Variants in SLIT3 observed in about 807,000 individuals in gnomAD.
SLIT3 encodes the protein slit guidance ligand 3.
SLIT3 carries 68 observed loss-of-function variants against 184.0 expected under a neutral mutation model. That is an observed-to-expected ratio of 0.37 (90% CI 0.30 to 0.45). The LOEUF is 0.45. Among genes scored for constraint, SLIT3 ranks in the 20% least tolerant of loss-of-function variants. The pLI, the probability that SLIT3 is intolerant of heterozygous loss-of-function variation, is 1.00. For missense variants in SLIT3, 1,707 were observed against 2,026.0 expected, an observed-to-expected ratio of 0.84 and a Z score of 3.02; for synonymous variants, 831 against 828.6, an observed-to-expected ratio of 1.00 and a Z score of -0.05.
intron 12 of SLIT3, among the ~76,000 whole-genome samples, chr5:168,778,940 C>T (rs1319900531): frequency 6.6e-6 from 1 of 152,214 alleles, no homozygotes; most frequent in East Asian, 1.9e-4. Context: ...TTGGGGCCAC[C>T]TGCTCCAGAT....
At chr5:168,767,522 T>C (rs896009663) in intron 14 of SLIT3, among the ~76,000 whole-genome samples, 1 of 152,192 alleles carries the variant, frequency 6.6e-6, no homozygotes, top group African/African-American at 2.4e-5. Flanking sequence ...CCACGTTAAC[T>C]GTGCTTTGCA....
At chr5:168,883,387 A>G (rs775110009) in intron 4 of SLIT3, 51 bp from the exon 5 acceptor site, 6 of 1,350,022 alleles carry the variant, frequency 4.4e-6, no homozygotes, top group Non-Finnish European at 6.4e-6. Flanking sequence ...GGCTGTCTTG[A>G]TCTGCATCTC....
At chr5:169,288,682 T>C (rs890394490) in intron 1 of SLIT3, among the ~76,000 whole-genome samples, 2 of 152,224 alleles carry the variant, frequency 1.3e-5, no homozygotes, top group Admixed American at 6.5e-5. Flanking sequence ...TTTAAATGAC[T>C]CCATCCTTCA....
In SLIT3 at chr5:168,666,376, A is replaced by G. The variant is rs1227329676; in HGVS notation, c.*78T>C. On this transcript the variant is annotated 3_prime_UTR_variant, in exon 36 of 36. Transcript: ENST00000519560. ...TCCAGCTTCATTTCCTTCATGCTGA[A>G]TCACCAGGGGGTCCCACATGGCTGT... 2 of 1,359,918 alleles carry G rather than the reference A, an allele frequency of 1.5e-6. No individual in the cohort carries two copies. Among genetic ancestry groups the G allele is most frequent in the Non-Finnish European group, 1.9e-6 (2 of 1,032,336 alleles). 84.2% of individuals were successfully genotyped at this position (1,359,918 alleles called of 1,614,324 possible).
At chr5:168,667,992 ATTTAATAACAT>A (rs1012982434) in intron 35 of SLIT3, among the ~76,000 whole-genome samples, 2 of 152,144 alleles carry the variant, frequency 1.3e-5, no homozygotes, top group Admixed American at 6.5e-5. Flanking sequence ...AGAATAAGCT[ATTTAATAACAT>A]TTTAAAAATG....
chr5:168,684,099 G>T lies in SLIT3; in HGVS notation c.3556-3C>A. 6.3e-7 allele frequency: 1 copy of T among 1,587,852 alleles called. No individual in the cohort carries two copies. Among genetic ancestry groups the T allele is most frequent in the Non-Finnish European group, 8.6e-7 (1 of 1,165,480 alleles). ...CCGTTGTCCTTGTCAGTGGCCACCT[G>T]GAGAAAGCAGCCGGGGCGTGTTAGT... On this transcript the variant is annotated splice_region_variant and splice_polypyrimidine_tract_variant and intron_variant, in intron 31 of 35. Coordinates refer to ENST00000519560, the MANE Select transcript of SLIT3 (RefSeq NM_003062.4).
At chr5:168,943,702 C>T (rs995734776) in intron 4 of SLIT3, among the ~76,000 whole-genome samples, 2 of 152,176 alleles carry the variant, frequency 1.3e-5, no homozygotes, top group African/African-American at 4.8e-5. Flanking sequence ...AACACACACT[C>T]TCTCTATATG....
At chr5:168,813,669 C>T (rs1289829402) in intron 8 of SLIT3, among the ~76,000 whole-genome samples, 1 of 152,196 alleles carries the variant, frequency 6.6e-6, no homozygotes, top group Non-Finnish European at 1.5e-5. Flanking sequence ...TGCCAAAGTG[C>T]ACTGCTAGCA....
At chr5:168,833,815 T>C (rs1370210468) in intron 6 of SLIT3, among the ~76,000 whole-genome samples, 1 of 152,194 alleles carries the variant, frequency 6.6e-6, no homozygotes, top group African/African-American at 2.4e-5. Context: ...TTAACCTTTG[T>C]GAGGGAGTTT....
chr5:169,030,135 C>T (rs1756972675), intron 4 of SLIT3, among the ~76,000 whole-genome samples: 1 of 152,220 alleles, frequency 6.6e-6, no homozygotes, highest in South Asian at 2.1e-4. Flanking sequence ...CCTGCCCTCT[C>T]CCTGCTATTA....
chr5:168,951,222 C>T (rs1283242174), intron 4 of SLIT3, among the ~76,000 whole-genome samples: 2 of 152,148 alleles, frequency 1.3e-5, no homozygotes, highest in Non-Finnish European at 2.9e-5. Context: ...TGTCTCAAAA[C>T]ACGAAACAAA....
At chr5:169,119,673 CAGA>C (rs1397967081) in intron 4 of SLIT3, among the ~76,000 whole-genome samples, 1 of 152,176 alleles carries the variant, frequency 6.6e-6, no homozygotes. Flanking sequence ...AGGAAAGAGA[CAGA>C]AGAACGTGTC....
intron 4 of SLIT3, among the ~76,000 whole-genome samples, chr5:169,125,315 G>T (rs2113299014): frequency 6.6e-6 from 1 of 152,304 alleles, no homozygotes; most frequent in African/African-American, 2.4e-5. Flanking sequence ...CAAAGTGCTT[G>T]GGATTATAGG....
intron 4 of SLIT3, among the ~76,000 whole-genome samples, chr5:169,183,371 A>G (rs1763232500): frequency 6.6e-6 from 1 of 152,222 alleles, no homozygotes; most frequent in Non-Finnish European, 1.5e-5. Flanking sequence ...TCTTGCCATC[A>G]GCTGTTCAAT....
At chr5:169,267,759 T>C (rs1350440347) in intron 1 of SLIT3, among the ~76,000 whole-genome samples, 1 of 152,212 alleles carries the variant, frequency 6.6e-6, no homozygotes, top group Non-Finnish European at 1.5e-5. Context: ...GAAATACTCA[T>C]ATGGGGCCTG....
intron 4 of SLIT3, among the ~76,000 whole-genome samples, chr5:169,178,595 G>C (rs297872): frequency 6.6e-4 from 101 of 152,102 alleles, no homozygotes; most frequent in Non-Finnish European, 1.3e-3. Flanking sequence ...ACACACACAC[G>C]ATTCTTATTT....
At chr5:169,182,412 T>C (rs1485192644) in intron 4 of SLIT3, among the ~76,000 whole-genome samples, 2 of 152,228 alleles carry the variant, frequency 1.3e-5, no homozygotes, top group Non-Finnish European at 2.9e-5. Context: ...ACTTTGTAAA[T>C]GAACTGCAAA....
At chr5:168,897,277 T>C (rs2113819800) in intron 4 of SLIT3, among the ~76,000 whole-genome samples, 1 of 152,266 alleles carries the variant, frequency 6.6e-6, no homozygotes. Context: ...TCCTTGGATG[T>C]CTTTCCTCTT....
intron 13 of SLIT3, among the ~76,000 whole-genome samples, chr5:168,773,651 A>T (rs1755641933): frequency 6.6e-6 from 1 of 152,132 alleles, no homozygotes; most frequent in South Asian, 2.1e-4. Flanking sequence ...CCATCAAAAA[A>T]TGGGCTGAAA....
Sources: gnomAD v4.1 joint callset for allele counts (sites outside exome capture counted in the v4.1 genomes callset) on GRCh38, gnomAD v4.1.1 for gene constraint, MANE v1.5 for transcripts, NCBI Gene and HGNC (gene_info 2026-07-23, HGNC 2026-07-21) for gene names.